The following CEP128 variants were observed in gnomAD, a reference collection of about 807,000 sequenced individuals.
The protein encoded by CEP128 is centrosomal protein 128, also known as centrosomal protein 128kDa.
Under a neutral mutation model 156.7 loss-of-function variants are expected in CEP128, and 132 were observed. The ratio of observed to expected loss-of-function variants is 0.84; its 90% CI spans 0.73 to 0.97. CEP128 has a LOEUF of 0.97. Ranked by LOEUF, CEP128 falls within the 50% of genes least tolerant of loss-of-function variation. The pLI is 0.00. For synonymous variants in CEP128, 469 were observed against 448.9 expected (o/e 1.04, Z -0.57); for missense variants, 1,252 against 1,281.9 (o/e 0.98, Z 0.36).
At chr14:80,533,498 C>T (rs1543918) in intron 21 of CEP128, among the ~76,000 whole-genome samples, 126,801 of 152,088 alleles carry the variant, frequency 0.83, 53,970 homozygotes, top group Non-Finnish European at 0.93. Context: ...ATCAACCAGG[C>T]GACTACATGA....
chr14:80,536,077 G>C (rs935375656), intron 21 of CEP128, among the ~76,000 whole-genome samples: 1 of 152,164 alleles, frequency 6.6e-6, no homozygotes, highest in African/African-American at 2.4e-5. Context: ...TCAGCTGTCT[G>C]TACTGTTCCA....
In CEP128 at chr14:80,751,971, C is replaced by T. The variant is rs143893665; in HGVS notation, c.2613+4921G>A. On this transcript the variant is annotated intron_variant, in intron 18 of 24. Coordinates refer to ENST00000555265, the MANE Select transcript of CEP128 (RefSeq NM_152446.5). The stretch of plus-strand genomic sequence containing the variant: ...ACCTTTGCAGTTGAGTAGTTGATAG[C>T]TTCCAATTAGGTGGGAATATTCATA... Among the ~76,000 whole-genome samples, 36 of 152,140 alleles carry T rather than the reference C, an allele frequency of 2.4e-4. No individual in the cohort carries two copies. The East Asian group carries it at 6.6e-3, about 28-fold the overall frequency.
At chr14:80,594,194 C>T (rs2140498715) in intron 19 of CEP128, among the ~76,000 whole-genome samples, 1 of 152,238 alleles carries the variant, frequency 6.6e-6, no homozygotes, top group South Asian at 2.1e-4. Context: ...TCACCTTTGA[C>T]AAACAGGACA....
intron 21 of CEP128, among the ~76,000 whole-genome samples, chr14:80,546,653 G>A (rs1226550172): frequency 6.6e-6 from 1 of 152,160 alleles, no homozygotes; most frequent in Admixed American, 6.5e-5. Flanking sequence ...CCACTATATA[G>A]TTAATGCCTG....
chr14:80,790,669 T>C (rs1901658038), intron 14 of CEP128, among the ~76,000 whole-genome samples: 2 of 152,010 alleles, frequency 1.3e-5, no homozygotes, highest in African/African-American at 4.8e-5. Flanking sequence ...CTGATAACCT[T>C]ACTAAGATTC....
intron 2 of CEP128, among the ~76,000 whole-genome samples, chr14:80,938,620 A>G (rs534715935): frequency 6.6e-6 from 1 of 152,282 alleles, no homozygotes; most frequent in African/African-American, 2.4e-5. Flanking sequence ...ATCGAGCACA[A>G]TATGAAATCC....
At chr14:80,877,344 C>A (rs1388017701) in intron 8 of CEP128, among the ~76,000 whole-genome samples, 1 of 151,914 alleles carries the variant, frequency 6.6e-6, no homozygotes, top group African/African-American at 2.4e-5. Context: ...TGTAATACAG[C>A]AAATCCTCCA....
At chr14:80,814,519 ATGTAT>A (rs1429684095) in intron 13 of CEP128, among the ~76,000 whole-genome samples, 6 of 152,168 alleles carry the variant, frequency 3.9e-5, no homozygotes, top group Non-Finnish European at 7.3e-5. Context: ...AGAAAAAATA[ATGTAT>A]TGTATCTGGA....
intron 13 of CEP128, among the ~76,000 whole-genome samples, chr14:80,796,843 A>C (rs1467555710): frequency 1.3e-5 from 2 of 152,212 alleles, no homozygotes; most frequent in Admixed American, 1.3e-4. Flanking sequence ...TCTCACAGGC[A>C]TCTTAAATTT....
chr14:80,618,655 T>C (rs895992270), intron 19 of CEP128, among the ~76,000 whole-genome samples: 4 of 152,208 alleles, frequency 2.6e-5, no homozygotes, highest in Non-Finnish European at 5.9e-5. Context: ...TAGATTTTAA[T>C]ATCCACTAAG....
At chr14:80,563,954 A>G (rs1302406599) in intron 20 of CEP128, among the ~76,000 whole-genome samples, 1 of 152,244 alleles carries the variant, frequency 6.6e-6, no homozygotes, top group Non-Finnish European at 1.5e-5. Flanking sequence ...CTAGATACAT[A>G]ACCTCAGTAA....
chr14:80,542,136 T>C (rs758625641), intron 21 of CEP128, among the ~76,000 whole-genome samples: 1 of 152,220 alleles, frequency 6.6e-6, no homozygotes, highest in Admixed American at 6.5e-5. Context: ...TGCCCATCCT[T>C]AGTATTTCCT....
At chr14:80,862,906 T>C (rs1887588827) in intron 8 of CEP128, 33 bp from the exon 9 acceptor site, 2 of 1,493,840 alleles carry the variant, frequency 1.3e-6, no homozygotes, top group Non-Finnish European at 1.9e-6. Context: ...AGCAGCATTA[T>C]AGAGCTAGCA....
At chr14:80,521,823 T>G (rs367732274) in intron 23 of CEP128, among the ~76,000 whole-genome samples, 1 of 152,332 alleles carries the variant, frequency 6.6e-6, no homozygotes, top group South Asian at 2.1e-4. Context: ...CAAAAGCCCA[T>G]ACAATCTAGT....
intron 21 of CEP128, among the ~76,000 whole-genome samples, chr14:80,536,768 T>C (rs138574113): frequency 1.3e-5 from 2 of 152,328 alleles, no homozygotes; most frequent in Non-Finnish European, 2.9e-5. Flanking sequence ...ACGGTGTTGA[T>C]GCACATTCTT....
chr14:80,487,898 G>A (rs991373729), downstream of CEP128, among the ~76,000 whole-genome samples: 41 of 151,862 alleles, frequency 2.7e-4, no homozygotes, highest in African/African-American at 9.7e-4. Context: ...GAAATTTATA[G>A]CAGTAAATGC....
rs190220839 is a variant in CEP128 at position 80,607,490 on chromosome 14, C to G, written c.2807-27067G>C. On this transcript the variant is annotated intron_variant, in intron 19 of 24. Coordinates refer to ENST00000555265, the MANE Select transcript of CEP128 (RefSeq NM_152446.5). Reference sequence around the variant, plus strand: ...CTTTAAAGTGTTCACATGCACAAAGCTGGACTGACCATCTACCCTAGGTGT... The same window carrying G: ...CTTTAAAGTGTTCACATGCACAAAGGTGGACTGACCATCTACCCTAGGTGT... Among the ~76,000 whole-genome samples, 536 of 152,260 alleles carry G rather than the reference C, an allele frequency of 3.5e-3. 6 individuals are homozygous for G. Among genetic ancestry groups the G allele is most frequent in the Non-Finnish European group, 3.1e-3 (214 of 68,002 alleles).
intron 19 of CEP128, among the ~76,000 whole-genome samples, chr14:80,717,306 T>C (rs1185729953): frequency 3.3e-5 from 5 of 152,086 alleles, no homozygotes; most frequent in African/African-American, 4.8e-5. Flanking sequence ...ACTGGAATAC[T>C]CCCAAAAAAA....
intron 5 of CEP128, 74 bp downstream of exon 5, chr14:80,905,881 T>C: frequency 1.4e-6 from 2 of 1,460,624 alleles, no homozygotes; most frequent in Non-Finnish European, 1.9e-6. Flanking sequence ...GTCATATTTC[T>C]CCAAAAATTA....
Sources: gnomAD v4.1 joint callset for allele counts (sites outside exome capture counted in the v4.1 genomes callset) on GRCh38, gnomAD v4.1.1 for gene constraint, MANE v1.5 for transcripts, NCBI Gene and HGNC (gene_info 2026-07-23, HGNC 2026-07-21) for gene names.